CACNA2D3: variants seen among roughly 807,000 people sequenced by gnomAD.
CACNA2D3 encodes calcium voltage-gated channel auxiliary subunit alpha2delta 3, also known as voltage-dependent calcium channel subunit alpha-2/delta-3.
Under a neutral mutation model 160.6 loss-of-function variants are expected in CACNA2D3, and 60 were observed. The ratio of observed to expected loss-of-function variants is 0.37; its 90% CI spans 0.30 to 0.46. The LOEUF (loss-of-function observed/expected upper bound fraction) is 0.46, where lower values mean the gene tolerates loss of function less well. CACNA2D3 is among the 20% of genes least tolerant of loss of function. The pLI is 1.00. For synonymous variants in CACNA2D3, 558 were observed against 492.9 expected (o/e 1.13, Z -1.75); for missense variants, 1,205 against 1,365.0 (o/e 0.88, Z 1.85).
intron 9 of CACNA2D3, chr3:54,626,308 C>T (rs935465589): frequency 2.8e-5 from 43 of 1,547,050 alleles, no homozygotes; most frequent in Non-Finnish European, 3.3e-5. Flanking sequence ...CTACAAGCGG[C>T]TGATGCCGCT....
chr3:54,133,522 T>A (rs952558588), intron 2 of CACNA2D3, among the ~76,000 whole-genome samples: 7 of 152,220 alleles, frequency 4.6e-5, no homozygotes, highest in African/African-American at 1.7e-4. Context: ...TGGAAACTTC[T>A]CCACACCCTT....
rs138898296 is a variant in CACNA2D3 at position 54,934,356 on chromosome 3, G to A, written c.2450-34094G>A. ...AGCCGTTCAGTGGAGAACCAAGGCT[G>A]CCATACGTTTTCTCTAGTAAGAAAG... On this transcript the variant is annotated intron_variant, in intron 27 of 37. Transcript: ENST00000474759. Among the ~76,000 whole-genome samples, 358 of 152,274 alleles carry A rather than the reference G, an allele frequency of 2.4e-3. 3 individuals carry two copies. The highest frequency in any genetic ancestry group is 7.9e-3 in the African/African-American group (327 of 41,576).
chr3:54,922,598 T>A (rs1444424006), intron 27 of CACNA2D3, among the ~76,000 whole-genome samples: 1 of 152,192 alleles, frequency 6.6e-6, no homozygotes, highest in African/African-American at 2.4e-5. Context: ...TTAACCCATG[T>A]TGTATTCACC....
intron 4 of CACNA2D3, among the ~76,000 whole-genome samples, chr3:54,460,930 A>G (rs1700492092): frequency 6.6e-6 from 1 of 152,074 alleles, no homozygotes; most frequent in Non-Finnish European, 1.5e-5. Context: ...GATAGCTCTT[A>G]TTATTTTGAG....
At chr3:54,633,635 CTA>C (rs947735264) in intron 10 of CACNA2D3, 1 of 152,176 alleles carries the variant, frequency 6.6e-6, no homozygotes, top group Non-Finnish European at 1.5e-5. Context: ...ACACAAACTT[CTA>C]TGGCTCCATC....
chr3:54,231,741 A>G (rs1701773567), intron 2 of CACNA2D3, among the ~76,000 whole-genome samples: 1 of 152,248 alleles, frequency 6.6e-6, no homozygotes, highest in African/African-American at 2.4e-5. Context: ...CACAAGTATT[A>G]TAATAAATAA....
chr3:54,745,805 T>A (rs1701743494), intron 11 of CACNA2D3, among the ~76,000 whole-genome samples: 1 of 152,208 alleles, frequency 6.6e-6, no homozygotes, highest in Non-Finnish European at 1.5e-5. Flanking sequence ...ATAATTTTTT[T>A]TTCTGAATTG....
intron 25 of CACNA2D3, among the ~76,000 whole-genome samples, chr3:54,893,879 G>A (rs550645902): frequency 1.3e-5 from 2 of 152,170 alleles, no homozygotes; most frequent in Admixed American, 1.3e-4. Context: ...AAGTTAAGAA[G>A]ATGACCACTT....
intron 27 of CACNA2D3, among the ~76,000 whole-genome samples, chr3:54,929,844 T>C (rs1701141602): frequency 6.6e-6 from 1 of 152,204 alleles, no homozygotes; most frequent in Non-Finnish European, 1.5e-5. Context: ...TAACCATCAA[T>C]GGCCCCCATT....
chr3:54,316,601 A>G (rs775450937), intron 2 of CACNA2D3, among the ~76,000 whole-genome samples: 1 of 152,194 alleles, frequency 6.6e-6, no homozygotes, highest in African/African-American at 2.4e-5. Context: ...TGGAACCATT[A>G]AACTGCTCAG....
At chr3:54,560,243 A>G (rs1024728282) in intron 5 of CACNA2D3, among the ~76,000 whole-genome samples, 1 of 152,186 alleles carries the variant, frequency 6.6e-6, no homozygotes, top group Non-Finnish European at 1.5e-5. Context: ...CCTCACCAGC[A>G]TCTGTTACTT....
At chr3:54,218,848 C>T (rs965838374) in intron 2 of CACNA2D3, among the ~76,000 whole-genome samples, 5 of 152,128 alleles carry the variant, frequency 3.3e-5, no homozygotes. Flanking sequence ...GGCATTACAC[C>T]AGCCCCTGCT....
rs928409815 is a variant in CACNA2D3, at chr3:54,822,743, T to C, written c.1398+5873T>C. 1.8e-3 allele frequency among the ~76,000 whole-genome samples: 104 copies of C among 56,448 alleles called. 3 individuals are homozygous for C. Among genetic ancestry groups the C allele is most frequent in the African/African-American group, 8.2e-3 (97 of 11,790 alleles). The allele number at this position is 56,448 out of a possible 152,430, so 37.0% of individuals were successfully genotyped here. ...ATTTCTTTTTTATTTTCTTTCTTTC[T>C]TTCTTTCTTTCTTTCTTTCTTTCTT... On this transcript the variant is annotated intron_variant, in intron 14 of 37. Coordinates refer to ENST00000474759, the MANE Select transcript of CACNA2D3 (RefSeq NM_018398.3).
Position 54,628,191 on chromosome 3 carries a change from A to T in CACNA2D3, c.1053+315A>T, listed in dbSNP as rs1391218880. On this transcript the variant is annotated intron_variant, in intron 10 of 37. Coordinates refer to ENST00000474759, the MANE Select transcript of CACNA2D3 (RefSeq NM_018398.3). ...AGCTTGAAGTGAGCCGAGATTGTGC[A>T]CTCCAGCCTGGGTGACAGAGCGAGA... 3.3e-5 allele frequency among the ~76,000 whole-genome samples: 5 copies of T among 151,794 alleles called. No homozygotes were observed. The East Asian group carries it at 9.7e-4, about 30-fold the overall frequency.
intron 11 of CACNA2D3, among the ~76,000 whole-genome samples, chr3:54,706,478 TTAG>T (rs759174535): frequency 4.0e-4 from 61 of 152,318 alleles, no homozygotes; most frequent in Admixed American, 1.8e-3. Flanking sequence ...GGCTGACATA[TTAG>T]TAGAATGATT....
chr3:54,796,546 T>C (rs1702870260), intron 13 of CACNA2D3, among the ~76,000 whole-genome samples: 1 of 152,152 alleles, frequency 6.6e-6, no homozygotes, highest in Admixed American at 6.5e-5. Flanking sequence ...GTAAAAACAA[T>C]ATGTAAGAGA....
chr3:54,896,945 G>T, intron 26 of CACNA2D3, 75 bp downstream of exon 26: 4 of 1,591,164 alleles, frequency 2.5e-6, no homozygotes, highest in Non-Finnish European at 3.4e-6. Flanking sequence ...GGGTGTTGGG[G>T]AGCTGCCTGA....
At chr3:54,280,629 G>A (rs1316735958) in intron 2 of CACNA2D3, among the ~76,000 whole-genome samples, 1 of 152,128 alleles carries the variant, frequency 6.6e-6, no homozygotes, top group Non-Finnish European at 1.5e-5. Flanking sequence ...GCCACAGTTT[G>A]GAGCATGCCT....
intron 2 of CACNA2D3, among the ~76,000 whole-genome samples, chr3:54,170,497 G>A (rs761952816): frequency 8.5e-5 from 13 of 152,198 alleles, no homozygotes; most frequent in Non-Finnish European, 1.8e-4. Flanking sequence ...CGGAAGCACA[G>A]TTTGGAATGC....
Sources: gnomAD v4.1 joint callset for allele counts (sites outside exome capture counted in the v4.1 genomes callset) on GRCh38, gnomAD v4.1.1 for gene constraint, MANE v1.5 for transcripts, NCBI Gene and HGNC (gene_info 2026-07-23, HGNC 2026-07-21) for gene names.